Variants in SPMAP2L observed in about 807,000 individuals in gnomAD.
The protein encoded by SPMAP2L is sperm microtubule associated protein 2 like.
chr4:56,594,690 C>A, the SPMAP2L span: 2 of 1,296,192 alleles, frequency 1.5e-6, no homozygotes, highest in Non-Finnish European at 2.2e-6. Context: ...AATATCAATG[C>A]AGTTCACCTC....
chr4:56,593,640 G>C, the SPMAP2L span: 2 of 1,605,290 alleles, frequency 1.2e-6, no homozygotes, highest in Non-Finnish European at 8.5e-7. Context: ...GGCTATGGGG[G>C]ACCCCACGCA....
the SPMAP2L span, chr4:56,530,942 AT>A: frequency 6.5e-7 from 1 of 1,534,992 alleles, no homozygotes; most frequent in South Asian, 1.2e-5. Context: ...CACGCTCCCT[AT>A]GCGCCCCACA....
At chr4:56,598,975 T>G in the SPMAP2L span, among the ~76,000 whole-genome samples, 1 of 152,066 alleles carries the variant, frequency 6.6e-6, no homozygotes, top group Admixed American at 6.5e-5. Flanking sequence ...TACGGTCTCT[T>G]GCCCCCGACC....
the SPMAP2L span, chr4:56,595,598 C>T: frequency 7.5e-7 from 1 of 1,327,064 alleles, no homozygotes; most frequent in Non-Finnish European, 1.1e-6. Flanking sequence ...AACCAGAGAA[C>T]AAATTCTGGC....
chr4:56,552,497 T>A, the SPMAP2L span: 1 of 961,358 alleles, frequency 1.0e-6, no homozygotes, highest in Non-Finnish European at 1.6e-6. Flanking sequence ...TCATCTAATG[T>A]AACCACATTT....
chr4:56,537,168 T>A, the SPMAP2L span, among the ~76,000 whole-genome samples: 23 of 152,202 alleles, frequency 1.5e-4, no homozygotes, highest in Non-Finnish European at 2.8e-4. Flanking sequence ...TAGTTTAGCA[T>A]CCACCTGACT....
chr4:56,544,376 C>A, the SPMAP2L span, among the ~76,000 whole-genome samples: 1 of 152,156 alleles, frequency 6.6e-6, no homozygotes, highest in Non-Finnish European at 1.5e-5. Flanking sequence ...TAAGAGCTTG[C>A]ATATACGGTA....
At chr4:56,531,834 G>A in the SPMAP2L span, among the ~76,000 whole-genome samples, 11 of 152,156 alleles carry the variant, frequency 7.2e-5, no homozygotes, top group African/African-American at 2.7e-4. Context: ...TCATTGGACC[G>A]CCAATCTTTT....
chr4:56,606,814 G>A, the SPMAP2L span, among the ~76,000 whole-genome samples: 1 of 152,210 alleles, frequency 6.6e-6, no homozygotes, highest in Non-Finnish European at 1.5e-5. Flanking sequence ...GGGGTGATGT[G>A]ATCAGAGTTG....
the SPMAP2L span, chr4:56,601,218 A>T: frequency 2.8e-6 from 3 of 1,089,128 alleles, no homozygotes; most frequent in African/African-American, 4.8e-5. Flanking sequence ...TATGAAAAGA[A>T]CTTCCAAAAC....
chr4:56,564,094 A>C, the SPMAP2L span, among the ~76,000 whole-genome samples: 1 of 151,510 alleles, frequency 6.6e-6, no homozygotes, highest in East Asian at 1.9e-4. Context: ...TGTGTCTTTC[A>C]GACAGTTTAT....
At chr4:56,613,444 A>G in the SPMAP2L span, among the ~76,000 whole-genome samples, 9 of 152,286 alleles carry the variant, frequency 5.9e-5, no homozygotes, top group Non-Finnish European at 1.0e-4. Context: ...GTAGACTTCA[A>G]TGTTGCCCCC....
chr4:56,559,194 G>A, the SPMAP2L span, among the ~76,000 whole-genome samples: 90 of 151,502 alleles, frequency 5.9e-4, 1 homozygote, highest in South Asian at 0.017. Context: ...CCAGCTACTC[G>A]GGTGGCTGAG....
the SPMAP2L span, among the ~76,000 whole-genome samples, chr4:56,537,696 T>C: frequency 1.3e-5 from 2 of 151,232 alleles, no homozygotes; most frequent in South Asian, 2.1e-4. Flanking sequence ...TCTTTTCTTT[T>C]CTTTTTTTTT....
At chr4:56,613,304 C>T in the SPMAP2L span, among the ~76,000 whole-genome samples, 4 of 152,162 alleles carry the variant, frequency 2.6e-5, no homozygotes, top group Non-Finnish European at 5.9e-5. Flanking sequence ...TGCCTACTCT[C>T]TATTACCAAG....
chr4:56,584,505 G>A, the SPMAP2L span: 16 of 1,534,176 alleles, frequency 1.0e-5, 1 homozygote, highest in South Asian at 1.7e-4. Flanking sequence ...AGACCCTTCA[G>A]TGATAACTCA....
chr4:56,622,865 G>A, the SPMAP2L span, among the ~76,000 whole-genome samples: 1 of 152,114 alleles, frequency 6.6e-6, no homozygotes, highest in Non-Finnish European at 1.5e-5. Flanking sequence ...CTGACTTTGA[G>A]CCTTTTTACC....
the SPMAP2L span, among the ~76,000 whole-genome samples, chr4:56,585,579 C>A: frequency 3.3e-5 from 5 of 152,158 alleles, no homozygotes; most frequent in East Asian, 9.7e-4. Flanking sequence ...TGGGCTCAAG[C>A]GATCCTCCCA....
chr4:56,543,922 GTGTA>G, the SPMAP2L span, among the ~76,000 whole-genome samples: 81 of 126,696 alleles, frequency 6.4e-4, no homozygotes, highest in East Asian at 5.5e-3. Context: ...GTGTGTGTGT[GTGTA>G]TGTGAGAGAG....
Sources: allele counts gnomAD v4.1 joint callset (sites outside exome capture counted in the v4.1 genomes callset), GRCh38; gene constraint gnomAD v4.1.1; transcripts MANE v1.5; gene names NCBI Gene and HGNC (gene_info 2026-07-23, HGNC 2026-07-21).